MCPH1: variants seen among roughly 807,000 people sequenced by gnomAD.
MCPH1 encodes the protein microcephalin.
MCPH1 carries 104 observed loss-of-function variants against 84.5 expected under a neutral mutation model. That is an observed-to-expected ratio of 1.23 (90% CI 1.05 to 1.45). The LOEUF (loss-of-function observed/expected upper bound fraction) is 1.45, where lower values mean the gene tolerates loss of function less well. Ranked by LOEUF, MCPH1 falls within the 40% of genes most tolerant of loss-of-function variation. The probability of loss-of-function intolerance (pLI) is 0.00; values close to 1 mark genes in which losing one functional copy is unlikely to be tolerated. For synonymous variants in MCPH1, 514 were observed against 366.8 expected, an observed-to-expected ratio of 1.40 and a Z score of -4.58; for missense variants, 1,498 against 1,005.7, an observed-to-expected ratio of 1.49 and a Z score of -6.62.
At chr8:6,550,209 CTGGCTACCGCTAGG>C (rs1317584739) in intron 12 of MCPH1, among the ~76,000 whole-genome samples, 9 of 152,266 alleles carry the variant, frequency 5.9e-5, no homozygotes, top group African/African-American at 1.9e-4. Context: ...ATGTTACTCA[CTGGCTACCGCTAGG>C]TGGCTGCGAA....
intron 12 of MCPH1, among the ~76,000 whole-genome samples, chr8:6,577,853 G>A (rs1203521475): frequency 6.6e-6 from 1 of 152,224 alleles, no homozygotes; most frequent in African/African-American, 2.4e-5. Flanking sequence ...ACAGAGCTAA[G>A]TGATCCAGAG....
chr8:6,459,583 G>A (rs1479485536), intron 9 of MCPH1, among the ~76,000 whole-genome samples: 1 of 152,208 alleles, frequency 6.6e-6, no homozygotes, highest in Non-Finnish European at 1.5e-5. Flanking sequence ...AATGACTGAA[G>A]CAATGCCTCT....
At chr8:6,447,393 C>G in intron 8 of MCPH1, 2 of 985,322 alleles carry the variant, frequency 2.0e-6, no homozygotes, top group Non-Finnish European at 2.4e-6. Context: ...AAATAAAGGG[C>G]TTTTTGCCAT....
intron 6 of MCPH1, among the ~76,000 whole-genome samples, chr8:6,439,838 G>A (rs1363676483): frequency 6.6e-6 from 1 of 152,102 alleles, no homozygotes; most frequent in East Asian, 1.9e-4. Context: ...ATTTATCAAA[G>A]TAGCTAATAG....
chr8:6,636,263 C>A (rs1209666143), intron 13 of MCPH1, among the ~76,000 whole-genome samples: 2 of 151,132 alleles, frequency 1.3e-5, no homozygotes, highest in Non-Finnish European at 2.9e-5. Flanking sequence ...TCGCTTGAGC[C>A]TGGGAGGTAG....
At chr8:6,555,634 A>G (rs2922884) in intron 12 of MCPH1, among the ~76,000 whole-genome samples, 19,996 of 151,570 alleles carry the variant, frequency 0.13, 3,633 homozygotes, top group African/African-American at 0.41. Context: ...GGTGATTTTT[A>G]TATTTTTTGG....
intron 9 of MCPH1, chr8:6,474,178 T>A: frequency 1.4e-6 from 1 of 729,872 alleles, no homozygotes. Context: ...ACTCATCAGC[T>A]ACTCTGTCTT....
chr8:6,529,458 T>C (rs969136848), intron 12 of MCPH1, among the ~76,000 whole-genome samples: 10 of 149,646 alleles, frequency 6.7e-5, no homozygotes, highest in Non-Finnish European at 1.3e-4. Flanking sequence ...TTTTTCTTTT[T>C]TTTTTTTTTT....
rs146685874 is a variant in MCPH1, at chr8:6,642,291, T to G, written c.2453-703T>G. Among the ~76,000 whole-genome samples, 228 of 152,190 alleles carry G rather than the reference T, an allele frequency of 1.5e-3. 7 individuals are homozygous for G. The East Asian group carries it at 0.033, about 22-fold the overall frequency. ...TTTTTTTCTAACAGTAGGAATAGAA[T>G]GCAGTGCGCTTGCCAGGACTGAGGA... On this transcript the variant is annotated intron_variant, in intron 13 of 13. Coordinates refer to ENST00000344683, the MANE Select transcript of MCPH1 (RefSeq NM_024596.5).
At chr8:6,572,094 G>A (rs969403048) in intron 12 of MCPH1, among the ~76,000 whole-genome samples, 5 of 151,832 alleles carry the variant, frequency 3.3e-5, no homozygotes, top group Non-Finnish European at 1.5e-5. Flanking sequence ...GTCAAAGACC[G>A]ACTGATACAA....
intron 12 of MCPH1, among the ~76,000 whole-genome samples, chr8:6,582,770 G>A (rs541580346): frequency 5.3e-5 from 8 of 151,934 alleles, no homozygotes; most frequent in African/African-American, 1.9e-4. Context: ...CTACTGTTTC[G>A]CTTGGAAACT....
Position 6,513,799 on chromosome 8 carries a change from C to T in MCPH1, c.2214+13870C>T, listed in dbSNP as rs749461000. ...CGTTGCTGATTAGTCAGTTGCGAAACAAACTCATTTCCCAGCCAATATTCT... is the reference window on the plus strand; with the variant it reads ...CGTTGCTGATTAGTCAGTTGCGAAATAAACTCATTTCCCAGCCAATATTCT... On this transcript the variant is annotated intron_variant, in intron 12 of 13. Coordinates refer to ENST00000344683, the MANE Select transcript of MCPH1 (RefSeq NM_024596.5). 9 of 1,613,774 alleles carry T rather than the reference C, an allele frequency of 5.6e-6. No individual in the cohort carries two copies. In the East Asian group the frequency reaches 2.0e-4, roughly 36 times the overall value.
At chr8:6,592,731 T>G (rs1168388052) in intron 12 of MCPH1, among the ~76,000 whole-genome samples, 1 of 148,834 alleles carries the variant, frequency 6.7e-6, no homozygotes, top group Non-Finnish European at 1.5e-5. Flanking sequence ...GTGGGCTCAC[T>G]GCAACCTCTG....
intron 12 of MCPH1, among the ~76,000 whole-genome samples, chr8:6,573,651 A>C (rs1433633556): frequency 3.3e-5 from 5 of 152,198 alleles, no homozygotes; most frequent in African/African-American, 4.8e-5. Context: ...GTTCAGACAG[A>C]AGACAAAGGC....
At position 6,444,790 on chromosome 8, in the gene MCPH1, A is replaced by T; in HGVS notation, c.1068A>T (p.Arg356Ser). 6.2e-7 allele frequency: 1 copy of T among 1,614,086 alleles called. No individual in the cohort carries two copies. The highest frequency in any genetic ancestry group is 8.5e-7 in the Non-Finnish European group (1 of 1,180,008). Residue 356 changes from arginine (R) to serine (S), a missense_variant, in exon 8 of 14, where the codon AGA (arginine) becomes AGT (serine). Physicochemically the swap from Arg to Ser is moderately radical, Grantham distance 110 (BLOSUM62 -1). Transcript: ENST00000344683. ...HSRPRSSSVKRKRVSHGSHSP... is the reference protein window; with the variant it reads ...HSRPRSSSVKSKRVSHGSHSP... ...GACCCAGGAGTTCCTCAGTAAAGAG[A>T]AAAAGAGTATCACATGGCTCCCATT...
At chr8:6,465,324 C>G (rs1406964579) in intron 9 of MCPH1, among the ~76,000 whole-genome samples, 1 of 152,230 alleles carries the variant, frequency 6.6e-6, no homozygotes, top group African/African-American at 2.4e-5. Flanking sequence ...ACCAGTCCCT[C>G]TCGTTTAGGC....
intron 12 of MCPH1, among the ~76,000 whole-genome samples, chr8:6,572,889 G>C (rs1253676247): frequency 6.6e-6 from 1 of 152,218 alleles, no homozygotes; most frequent in Non-Finnish European, 1.5e-5. Context: ...AGGGCTACGT[G>C]AACAGCAAGA....
intron 11 of MCPH1, among the ~76,000 whole-genome samples, chr8:6,489,993 A>G (rs1419125932): frequency 6.6e-6 from 1 of 152,234 alleles, no homozygotes; most frequent in Non-Finnish European, 1.5e-5. Flanking sequence ...GCCTTCAAGG[A>G]TCACACTGTT....
At chr8:6,422,878 CG>C in intron 3 of MCPH1, among the ~76,000 whole-genome samples, 1 of 151,880 alleles carries the variant, frequency 6.6e-6, no homozygotes, top group South Asian at 2.1e-4. Context: ...TTAGTAGAGA[CG>C]GGGTTTCACT....
Sources: allele counts gnomAD v4.1 joint callset (sites outside exome capture counted in the v4.1 genomes callset), GRCh38; gene constraint gnomAD v4.1.1; transcripts MANE v1.5; gene names NCBI Gene and HGNC (gene_info 2026-07-23, HGNC 2026-07-21).